The following ABLIM2 variants were observed in gnomAD, a reference collection of about 807,000 sequenced individuals.
The protein encoded by ABLIM2 is actin-binding LIM protein 2.
In ABLIM2, 53 loss-of-function variants were observed where a neutral mutation model predicts 97.7. That is an observed-to-expected ratio of 0.54 (90% CI 0.44 to 0.68). ABLIM2 has a LOEUF of 0.68. ABLIM2 is among the 30% of genes least tolerant of loss of function. ABLIM2 has a pLI of 0.00. For missense variants in ABLIM2, 835 were observed against 867.2 expected (o/e 0.96, Z 0.47); for synonymous variants, 361 against 345.8 (o/e 1.04, Z -0.49).
chr4:8,158,541 A>C, intron 1 of ABLIM2, 139 bp downstream of exon 1: 1 of 1,135,718 alleles, frequency 8.8e-7, no homozygotes, highest in Non-Finnish European at 1.2e-6. Flanking sequence ...GGGGCTGCAA[A>C]ATCCTGGAGC....
Position 8,058,713 on chromosome 4 carries a change from C to T in ABLIM2, c.763+2254G>A, listed in dbSNP as rs188290916. On this transcript the variant is annotated intron_variant, in intron 7 of 20. Transcript: ENST00000447017. The surrounding 1 kb of genome is among the most constrained non-coding windows in gnomAD (Gnocchi z 4.2). ...CTGAACCCTCTTCTCAATTAGGCCT[C>T]GAACTTTGCCCAGGTCTCCACCATC... is the stretch of plus-strand genomic sequence containing the variant. 6.6e-6 allele frequency among the ~76,000 whole-genome samples: 1 copy of T among 152,172 alleles called. No homozygotes were observed. Among genetic ancestry groups the T allele is most frequent in the East Asian group, 1.9e-4 (1 of 5,164 alleles).
rs1409403184 is a variant in ABLIM2, at chr4:8,046,614, C to T, written c.823-1373G>A. Among the ~76,000 whole-genome samples, 1 of 152,248 alleles carries T rather than the reference C, an allele frequency of 6.6e-6. No homozygotes were observed. The highest frequency in any genetic ancestry group is 2.1e-4 in the South Asian group (1 of 4,820). On this transcript the variant is annotated intron_variant, in intron 8 of 20. Coordinates refer to ENST00000447017, the MANE Select transcript of ABLIM2 (RefSeq NM_001130083.2). This position sits in a 1 kb window ranked among gnomAD's most constrained non-coding sequence, Gnocchi z 4.4. ...TAGACCCTTTTCTTGCCACCCCCAA[C>T]AATTCTGTCCTGCCCATTTCAGGGG...
At chr4:8,051,562 C>CAA (rs36056609) in intron 8 of ABLIM2, among the ~76,000 whole-genome samples, 10,975 of 107,446 alleles carry the variant, frequency 0.1, 581 homozygotes, top group East Asian at 0.21. Context: ...GATTCCATCT[C>CAA]AAAAAAAAAA....
chr4:8,151,596 A>G (rs960637362), intron 1 of ABLIM2, among the ~76,000 whole-genome samples: 5 of 152,224 alleles, frequency 3.3e-5, no homozygotes, highest in Non-Finnish European at 7.4e-5. Flanking sequence ...GGTCCCTAAA[A>G]TGGCAGCCAG....
chr4:8,006,962 G>A (rs556615466), intron 16 of ABLIM2: 1 of 931,834 alleles, frequency 1.1e-6, no homozygotes, highest in Admixed American at 6.2e-5. Context: ...ACCCCAGGCG[G>A]GGGCAGAGGC....
intron 17 of ABLIM2, among the ~76,000 whole-genome samples, chr4:7,989,175 A>G (rs1041424795): frequency 7.1e-6 from 1 of 140,544 alleles, no homozygotes; most frequent in Admixed American, 8.1e-5. Context: ...TCTGCCTCCC[A>G]GGTTCAAGCA....
chr4:8,007,134 G>T (rs781543610), intron 16 of ABLIM2: 3 of 985,268 alleles, frequency 3.0e-6, no homozygotes, highest in Non-Finnish European at 3.6e-6. Context: ...TAAGTAGGAC[G>T]GTTTACAGTT....
At chr4:7,988,621 G>A (rs191497039) in intron 17 of ABLIM2, among the ~76,000 whole-genome samples, 9 of 152,312 alleles carry the variant, frequency 5.9e-5, no homozygotes, top group African/African-American at 1.7e-4. Flanking sequence ...AGCAGCTAGC[G>A]ACATGGAAGC....
chr4:7,969,730 G>GACACACACAC lies in ABLIM2; in HGVS notation c.1825-2637_1825-2628dup, dbSNP rs56236019. 6.8e-4 allele frequency among the ~76,000 whole-genome samples: 95 copies of GACACACACAC among 139,686 alleles called. 3 individuals are homozygous for GACACACACAC. Among genetic ancestry groups the GACACACACAC allele is most frequent in the Admixed American group, 1.7e-3 (23 of 13,762 alleles). 91.6% of individuals were successfully genotyped at this position (139,686 alleles called of 152,430 possible). A position where few individuals can be genotyped will look rare whatever the true frequency, so the allele number is the denominator to read the frequency against. On this transcript the variant is annotated intron_variant, in intron 20 of 20. Coordinates refer to ENST00000447017, the MANE Select transcript of ABLIM2 (RefSeq NM_001130083.2). The stretch of plus-strand genomic sequence containing the variant: ...TCAGTCTCTCTTTCTCTCTCTCTCT[G>GACACACACAC]ACACACACACACACACACACACACA...
In ABLIM2 at chr4:8,158,691, T is replaced by C; in HGVS notation, c.-2A>G. 1 of 1,465,904 alleles carries C rather than the reference T, an allele frequency of 6.8e-7. No homozygotes were observed. Among genetic ancestry groups the C allele is most frequent in the Non-Finnish European group, 9.0e-7 (1 of 1,111,060 alleles). The allele number at this position is 1,465,904 out of a possible 1,614,324, so 90.8% of individuals were successfully genotyped here. ...TCCCCAGCACCCACCTGCACTCATC[T>C]CAGCAGCCGCTCGGAGTCGGGGCGG... On this transcript the variant is annotated 5_prime_UTR_variant, in exon 1 of 21. Coordinates refer to ENST00000447017, the MANE Select transcript of ABLIM2 (RefSeq NM_001130083.2).
chr4:8,066,617 C>T (rs573648370), intron 6 of ABLIM2: 3 of 152,208 alleles, frequency 2.0e-5, no homozygotes, highest in African/African-American at 4.8e-5. Flanking sequence ...TGGATGAACT[C>T]TGAAAACGTG....
chr4:8,033,370 G>A lies in ABLIM2; in HGVS notation c.1047+2779C>T, dbSNP rs962293984. ...CAGCGCAATAACTCGACGGCCTCTG[G>A]GAGGCTGCCACGGGCCCTGTGAAGC... On this transcript the variant is annotated intron_variant, in intron 10 of 20. Coordinates refer to ENST00000447017, the MANE Select transcript of ABLIM2 (RefSeq NM_001130083.2). The surrounding 1 kb of genome is among the most constrained non-coding windows in gnomAD (Gnocchi z 4.5). Among the ~76,000 whole-genome samples, 10 of 152,224 alleles carry A rather than the reference G, an allele frequency of 6.6e-5. No individual in the cohort carries two copies. The highest frequency in any genetic ancestry group is 1.3e-4 in the Non-Finnish European group (9 of 68,036).
intron 5 of ABLIM2, among the ~76,000 whole-genome samples, chr4:8,080,143 G>A (rs143270038): frequency 4.6e-5 from 7 of 152,340 alleles, no homozygotes; most frequent in African/African-American, 9.6e-5. Flanking sequence ...GCACATTTGT[G>A]GGACATGTTT....
intron 2 of ABLIM2, among the ~76,000 whole-genome samples, chr4:8,103,560 C>T (rs946105627): frequency 5.3e-5 from 8 of 152,234 alleles, no homozygotes; most frequent in African/African-American, 1.9e-4. Flanking sequence ...GGCACTGGGC[C>T]TGCCCTCAGA....
chr4:8,125,986 C>T lies in ABLIM2; in HGVS notation c.11-19349G>A, dbSNP rs974369068. Reference sequence around the variant, plus strand: ...GGAGGGGGAAGCCACACAGCCAACCCGCTTTTTCTGGGGGCCTCATGGGCA... The same window carrying T: ...GGAGGGGGAAGCCACACAGCCAACCTGCTTTTTCTGGGGGCCTCATGGGCA... On this transcript the variant is annotated intron_variant, in intron 1 of 20. Transcript: ENST00000447017. This position sits in a 1 kb window ranked among gnomAD's most constrained non-coding sequence, Gnocchi z 6.2. Among the ~76,000 whole-genome samples, 27 of 152,166 alleles carry T rather than the reference C, an allele frequency of 1.8e-4. No homozygotes were observed. The highest frequency in any genetic ancestry group is 6.0e-4 in the African/African-American group (25 of 41,438).
chr4:7,965,763 A>G lies in ABLIM2; in HGVS notation c.*1227T>C, dbSNP rs757974544. ...GCTCCGGGATGCCCTGCTGGCTTCA[A>G]AGATGAGAAGAGCCACATCTCCATC... On this transcript the variant is annotated 3_prime_UTR_variant, in exon 21 of 21. Transcript: ENST00000447017. The G allele has an allele frequency of 1.8e-4, 28 of 152,254 alleles. No individual in the cohort carries two copies. Among genetic ancestry groups the G allele is most frequent in the Non-Finnish European group, 3.1e-4 (21 of 68,104 alleles). The allele number at this position is 152,254 out of a possible 1,614,324, so 9.4% of individuals were successfully genotyped here.
At chr4:8,096,592 C>A (rs1199020861) in intron 3 of ABLIM2, among the ~76,000 whole-genome samples, 4 of 152,238 alleles carry the variant, frequency 2.6e-5, no homozygotes, top group East Asian at 1.9e-4. Flanking sequence ...ACATTGAAAA[C>A]GTCCCCTGCA....
chr4:7,998,073 G>T lies in ABLIM2; in HGVS notation c.1619-5146C>A, dbSNP rs1310218086. Among the ~76,000 whole-genome samples, 2 of 151,920 alleles carry T rather than the reference G, an allele frequency of 1.3e-5. No homozygotes were observed. Among genetic ancestry groups the T allele is most frequent in the Non-Finnish European group, 2.9e-5 (2 of 67,986 alleles). ...ATTTTGTATTTTTAGTAGAGACGGG[G>T]TTTCTCCATGTTGATCGGGCTCGTC... On this transcript the variant is annotated intron_variant, in intron 16 of 20. Transcript: ENST00000447017. This position sits in a 1 kb window ranked among gnomAD's most constrained non-coding sequence, Gnocchi z 6.4.
At chr4:8,096,522 C>T (rs1008333001) in intron 3 of ABLIM2, among the ~76,000 whole-genome samples, 5 of 152,218 alleles carry the variant, frequency 3.3e-5, no homozygotes, top group Admixed American at 6.5e-5. Context: ...CATCCTCTGA[C>T]GAAGGTTCCA....
Sources: allele counts gnomAD v4.1 joint callset (sites outside exome capture counted in the v4.1 genomes callset), GRCh38; gene constraint gnomAD v4.1.1; non-coding constraint Gnocchi (gnomAD v3.1); transcripts MANE v1.5; gene names NCBI Gene and HGNC (gene_info 2026-07-23, HGNC 2026-07-21).